Variants in SEC23B observed in about 807,000 individuals in gnomAD.
SEC23B encodes SEC23 homolog B, COPII component.
In SEC23B, 77 loss-of-function variants were observed where a neutral mutation model predicts 104.3. The ratio of observed to expected loss-of-function variants is 0.74; its 90% CI spans 0.61 to 0.89. SEC23B has a LOEUF of 0.89. Among genes scored for constraint, SEC23B ranks in the 40% least tolerant of loss-of-function variants. The probability of loss-of-function intolerance (pLI) is 0.00; values close to 1 mark genes in which losing one functional copy is unlikely to be tolerated. For missense variants in SEC23B, 885 were observed against 949.4 expected (o/e 0.93, Z 0.89); for synonymous variants, 338 against 332.5 (o/e 1.02, Z -0.18).
intron 19 of SEC23B, among the ~76,000 whole-genome samples, chr20:18,557,057 C>T (rs1456684922): frequency 6.6e-6 from 1 of 152,198 alleles, no homozygotes; most frequent in African/African-American, 2.4e-5. Flanking sequence ...GTTTTTAATG[C>T]ACTCTGCTGA....
intron 12 of SEC23B, among the ~76,000 whole-genome samples, chr20:18,539,869 T>G (rs1261414866): frequency 6.6e-6 from 1 of 151,690 alleles, no homozygotes; most frequent in Non-Finnish European, 1.5e-5. Flanking sequence ...GGTCTTGAAC[T>G]CCCGACCTCA....
intron 4 of SEC23B, among the ~76,000 whole-genome samples, chr20:18,522,457 A>AGG (rs1345793525): frequency 6.6e-6 from 1 of 152,210 alleles, no homozygotes; most frequent in South Asian, 2.1e-4. Context: ...GGGAGATTGA[A>AGG]GGGTAGCAAG....
chr20:18,557,496 G>A (rs2122186335), intron 19 of SEC23B, among the ~76,000 whole-genome samples: 1 of 152,174 alleles, frequency 6.6e-6, no homozygotes, highest in South Asian at 2.1e-4. Context: ...TGGTGTTCAA[G>A]CGAAGTCTAG....
rs1282951959 is a variant in SEC23B, at chr20:18,524,438, T to A, written c.372T>A (p.Gly124=). 6.2e-7 allele frequency: 1 copy of A among 1,613,304 alleles called. No homozygotes were observed. The highest frequency in any genetic ancestry group is 1.1e-5 in the South Asian group (1 of 91,040). Residue 124 remains glycine, a synonymous_variant, in exon 5 of 20, where the codon GGT becomes GGA. Transcript: ENST00000650089. ...FSTIEYVIQR[G]AQSPLIFLYV... The stretch of plus-strand genomic sequence containing the variant: ...CTGTTTTTCTTTGCCCAAAGCGAGG[T>A]GCTCAGTCCCCTCTGATCTTTCTCT...
chr20:18,547,569 C>T (rs1045461285), intron 15 of SEC23B, among the ~76,000 whole-genome samples: 6 of 152,198 alleles, frequency 3.9e-5, no homozygotes, highest in African/African-American at 1.4e-4. Flanking sequence ...CCCTTTCTCC[C>T]CTGCACCAAC....
At chr20:18,544,870 G>T (rs1015850509) in intron 14 of SEC23B, among the ~76,000 whole-genome samples, 4 of 152,138 alleles carry the variant, frequency 2.6e-5, no homozygotes, top group African/African-American at 7.2e-5. Flanking sequence ...TTGATGAAAT[G>T]ATTCTGTGTA....
rs1600281886 is a variant in SEC23B at position 18,555,161 on chromosome 20, T to C, written c.2202T>C (p.Tyr734=). 3 of 1,612,448 alleles carry C rather than the reference T, an allele frequency of 1.9e-6. No individual in the cohort carries two copies. The highest frequency in any genetic ancestry group is 2.5e-6 in the Non-Finnish European group (3 of 1,178,580). The change falls in exon 19 of 20, where the codon TAT becomes TAC. Residue 734 remains tyrosine, a synonymous_variant. Transcript: ENST00000650089. ...VNPSQTHNNL[Y]AWGQETGAPI... ...CATCTCAGACACACAATAACCTGTA[T>C]GCTTGGGGACAGGTAAGAAATCTTC...
At chr20:18,508,409 A>G (rs2059950850) in intron 1 of SEC23B, 1 of 152,240 alleles carries the variant, frequency 6.6e-6, no homozygotes, top group Non-Finnish European at 1.5e-5. Flanking sequence ...ATTTTTTGGC[A>G]TATTCTCCTG....
Position 18,522,569 on chromosome 20 carries a change from T to A in SEC23B, c.367-1864T>A, listed in dbSNP as rs138311297. Reference sequence around the variant, plus strand: ...GAGGACCTGAGGTCGTAGGCGGATCTCTTCACGGGGTGAGGGTGAGGACAG... The same window carrying A: ...GAGGACCTGAGGTCGTAGGCGGATCACTTCACGGGGTGAGGGTGAGGACAG... On this transcript the variant is annotated intron_variant, in intron 4 of 19. Transcript: ENST00000650089. 7.9e-3 allele frequency among the ~76,000 whole-genome samples: 1,202 copies of A among 152,300 alleles called. 8 individuals carry two copies. Among genetic ancestry groups the A allele is most frequent in the Middle Eastern group, 0.014 (4 of 294 alleles).
chr20:18,515,807 A>G (rs1247243247), intron 4 of SEC23B, 71 bp downstream of exon 4: 2 of 1,012,118 alleles, frequency 2.0e-6, no homozygotes. Context: ...TTTGTCTTCC[A>G]TGTCTCTTAC....
At chr20:18,548,429 A>G (rs2060353959) in intron 15 of SEC23B, among the ~76,000 whole-genome samples, 180 bp from the exon 16 acceptor site, 1 of 152,156 alleles carries the variant, frequency 6.6e-6, no homozygotes, top group African/African-American at 2.4e-5. Flanking sequence ...TCATTAAGCA[A>G]CAACTCTCAG....
chr20:18,555,213 GT>G (rs745861581), intron 19 of SEC23B, 40 bp downstream of exon 19: 83 of 1,511,364 alleles, frequency 5.5e-5, no homozygotes, highest in Middle Eastern at 1.7e-4. Context: ...TGCTAAGCTA[GT>G]TTTTTTTTAA....
At chr20:18,559,149 C>A (rs1173772188) in intron 19 of SEC23B, among the ~76,000 whole-genome samples, 1 of 151,596 alleles carries the variant, frequency 6.6e-6, no homozygotes, top group East Asian at 1.9e-4. Flanking sequence ...TTTCCACTGG[C>A]CTCTGTTGAC....
intron 12 of SEC23B, among the ~76,000 whole-genome samples, chr20:18,537,535 T>A (rs974234907): frequency 6.6e-6 from 1 of 151,918 alleles, no homozygotes; most frequent in East Asian, 1.9e-4. Context: ...GAATTGGACA[T>A]TGAGAACACA....
At chr20:18,537,374 A>T (rs1600256981) in intron 12 of SEC23B, among the ~76,000 whole-genome samples, 1 of 152,174 alleles carries the variant, frequency 6.6e-6, no homozygotes, top group African/African-American at 2.4e-5. Context: ...GATTAAGAAA[A>T]TGTGGCACAT....
Position 18,530,807 on chromosome 20 carries a change from C to T in SEC23B, c.1233+4C>T, listed in dbSNP as rs201883785. ...TGGTGCTACTTTGGACGTAAAGGTACGGTAAACTTTTTTTTTTTTTTATGT... is the reference window on the plus strand; with the variant it reads ...TGGTGCTACTTTGGACGTAAAGGTATGGTAAACTTTTTTTTTTTTTTATGT... On this transcript the variant is annotated splice_donor_region_variant and intron_variant, in intron 10 of 19. Transcript: ENST00000650089. The T allele has an allele frequency of 1.8e-4, 274 of 1,563,488 alleles. 1 individual carries two copies. Among genetic ancestry groups the T allele is most frequent in the African/African-American group, 1.2e-3 (84 of 72,036 alleles).
intron 4 of SEC23B, among the ~76,000 whole-genome samples, chr20:18,524,084 G>A (rs900770735): frequency 6.6e-6 from 1 of 152,054 alleles, no homozygotes; most frequent in African/African-American, 2.4e-5. Context: ...TCTCCTCCTG[G>A]TGTTTGCAGT....
chr20:18,559,010 T>A (rs1160147148), intron 19 of SEC23B, among the ~76,000 whole-genome samples: 1 of 149,108 alleles, frequency 6.7e-6, no homozygotes, highest in Non-Finnish European at 1.5e-5. Flanking sequence ...TATGAGACCC[T>A]GGATCTTATT....
chr20:18,542,132 G>A (rs1413194218), intron 12 of SEC23B, among the ~76,000 whole-genome samples, 164 bp from the exon 13 acceptor site: 1 of 152,166 alleles, frequency 6.6e-6, no homozygotes, highest in Non-Finnish European at 1.5e-5. Flanking sequence ...TTGGAGATAA[G>A]GTTATATGCA....
Sources: allele counts gnomAD v4.1 joint callset (sites outside exome capture counted in the v4.1 genomes callset), GRCh38; gene constraint gnomAD v4.1.1; transcripts MANE v1.5; gene names NCBI Gene and HGNC (gene_info 2026-07-23, HGNC 2026-07-21).